Variants in VAMP3 observed in about 807,000 individuals in gnomAD.
The protein encoded by VAMP3 is vesicle associated membrane protein 3.
Under a neutral mutation model 18.1 loss-of-function variants are expected in VAMP3, and 11 were observed. The observed-to-expected ratio is 0.61, with a 90% CI of 0.38 to 1.00. The LOEUF (loss-of-function observed/expected upper bound fraction) is 1.00. VAMP3 is among the 50% of genes least tolerant of loss of function. VAMP3 has a pLI of 0.01. For missense variants in VAMP3, 122 were observed against 127.3 expected (o/e 0.96, Z 0.20); for synonymous variants, 49 against 43.1 (o/e 1.14, Z -0.53).
At position 7,777,165 on chromosome 1, in the gene VAMP3, G is replaced by A. The variant is rs190930592; in HGVS notation, c.78G>A (p.Val26=). 1.5e-4 allele frequency: 236 copies of A among 1,611,538 alleles called. 2 individuals are homozygous for A. In the Admixed American group the frequency reaches 3.8e-3, roughly 26 times the overall value. The change falls in exon 3 of 5, where the codon GTG becomes GTA. Residue 26 remains valine (V), a synonymous_variant. Coordinates refer to ENST00000054666, the MANE Select transcript of VAMP3 (RefSeq NM_004781.4). Reference sequence around the variant, plus strand: ...CTGTGATCACACTCATCTAGGTGGTGGACATAATGCGAGTTAACGTGGACA... The same window carrying A: ...CTGTGATCACACTCATCTAGGTGGTAGACATAATGCGAGTTAACGTGGACA... The part of the protein sequence containing the change: ...QQTQNQVDEV[V]DIMRVNVDKV...
At chr1:7,776,026 A>T (rs1261004092) in intron 2 of VAMP3, among the ~76,000 whole-genome samples, 1 of 152,166 alleles carries the variant, frequency 6.6e-6, no homozygotes, top group African/African-American at 2.4e-5. Flanking sequence ...CCATCAGTCT[A>T]TATGTTTGTC....
chr1:7,778,300 T>TGA, intron 4 of VAMP3, 131 bp downstream of exon 4: 1 of 1,085,022 alleles, frequency 9.2e-7, no homozygotes, highest in Non-Finnish European at 1.4e-6. Flanking sequence ...CGGTGACTCA[T>TGA]GCCTGTAATC....
Position 7,780,051 on chromosome 1 carries a change from GC to G in VAMP3, c.*408del, listed in dbSNP as rs1399930514. The G allele has an allele frequency of 2.8e-5, 5 of 180,626 alleles. No individual in the cohort carries two copies. The highest frequency in any genetic ancestry group is 3.5e-5 in the Non-Finnish European group (3 of 85,558). The allele number at this position is 180,626 out of a possible 1,614,324, so 11.2% of individuals were successfully genotyped here. ...ATGCCTTCCAGAAAAAAACACTACT[GC>G]CTAACACAAATCTGTGATAACAACA... On this transcript the variant is annotated 3_prime_UTR_variant, in exon 5 of 5. Transcript: ENST00000054666.
chr1:7,778,417 C>T (rs947416043), intron 4 of VAMP3, among the ~76,000 whole-genome samples: 4 of 151,992 alleles, frequency 2.6e-5, no homozygotes, highest in Admixed American at 2.6e-4. Flanking sequence ...CCTGTAAGTC[C>T]CAGCTACTCA....
Position 7,779,686 on chromosome 1 carries a change from T to C in VAMP3, c.*41T>C. 6.2e-7 allele frequency: 1 copy of C among 1,613,912 alleles called. No individual in the cohort carries two copies. The highest frequency in any genetic ancestry group is 8.5e-7 in the Non-Finnish European group (1 of 1,179,840). The stretch of plus-strand genomic sequence containing the variant: ...CAAAACTGCTGTTCAAGAAACCTCT[T>C]CAAGACTTTTGACTTAGAACCTGCT... On this transcript the variant is annotated 3_prime_UTR_variant, in exon 5 of 5. Transcript: ENST00000054666.
intron 2 of VAMP3, among the ~76,000 whole-genome samples, chr1:7,775,818 C>G (rs2097054049): frequency 6.6e-6 from 1 of 152,096 alleles, no homozygotes; most frequent in South Asian, 2.1e-4. Flanking sequence ...TTAGCTCTTA[C>G]ACTTAGATTA....
chr1:7,773,337 T>G, intron 1 of VAMP3, 105 bp from the exon 2 acceptor site: 2 of 860,930 alleles, frequency 2.3e-6, no homozygotes, highest in South Asian at 1.7e-5. Flanking sequence ...TTAGTTCTAA[T>G]GTAAGAGATT....
chr1:7,771,708 C>T (rs2097051086), intron 1 of VAMP3, among the ~76,000 whole-genome samples: 1 of 152,234 alleles, frequency 6.6e-6, no homozygotes, highest in Non-Finnish European at 1.5e-5. Context: ...GGAATGGGGA[C>T]GACAGCCCTG....
chr1:7,774,697 A>G (rs1577564196), intron 2 of VAMP3, among the ~76,000 whole-genome samples: 1 of 152,220 alleles, frequency 6.6e-6, no homozygotes, highest in Non-Finnish European at 1.5e-5. Context: ...ACTTAGCACA[A>G]AGTTTTTTGC....
chr1:7,779,726 A>G lies in VAMP3; in HGVS notation c.*81A>G. On this transcript the variant is annotated 3_prime_UTR_variant, in exon 5 of 5. Transcript: ENST00000054666. ...TAGAACCTGCTATATTATCAAGCTT[A>G]CCTACTGTTATCTCTAAAATTTTTT... The G allele has an allele frequency of 6.3e-7, 1 of 1,577,954 alleles. No individual in the cohort carries two copies. Among genetic ancestry groups the G allele is most frequent in the Non-Finnish European group, 8.6e-7 (1 of 1,159,284 alleles).
intron 3 of VAMP3, among the ~76,000 whole-genome samples, chr1:7,777,762 A>G (rs1222322141): frequency 6.6e-6 from 1 of 152,236 alleles, no homozygotes; most frequent in African/African-American, 2.4e-5. Flanking sequence ...AGCAGATTTT[A>G]TACAGTTAGC....
At chr1:7,778,934 G>A (rs957456994) in intron 4 of VAMP3, among the ~76,000 whole-genome samples, 2 of 152,226 alleles carry the variant, frequency 1.3e-5, no homozygotes, top group African/African-American at 2.4e-5. Context: ...GGTGGCGCAC[G>A]CCTGTAATCC....
rs544186683 is a variant in VAMP3 at position 7,773,645 on chromosome 1, C to G, written c.72+134C>G. Reference sequence around the variant, plus strand: ...GTATCATAATTGTAACGAAACTTTGCTCCCTGCTGTGCTGGAAGATCTAAT... The same window carrying G: ...GTATCATAATTGTAACGAAACTTTGGTCCCTGCTGTGCTGGAAGATCTAAT... On this transcript the variant is annotated intron_variant, in intron 2 of 4. Transcript: ENST00000054666. 2.7e-5 allele frequency: 23 copies of G among 856,246 alleles called. No individual in the cohort carries two copies. The South Asian group carries it at 4.0e-4, about 15-fold the overall frequency. The allele number at this position is 856,246 out of a possible 1,614,324, so 53.0% of individuals were successfully genotyped here.
chr1:7,777,355 C>A, intron 3 of VAMP3, 37 bp downstream of exon 3: 1 of 1,582,704 alleles, frequency 6.3e-7, no homozygotes, highest in South Asian at 1.2e-5. Flanking sequence ...ATTTAACCCC[C>A]CTTCTCCATT....
At chr1:7,772,069 A>G (rs1020862604) in intron 1 of VAMP3, among the ~76,000 whole-genome samples, 1 of 152,224 alleles carries the variant, frequency 6.6e-6, no homozygotes, top group Non-Finnish European at 1.5e-5. Flanking sequence ...CTGTGCCAAT[A>G]GATCACAGTG....
chr1:7,779,742 A>G lies in VAMP3; in HGVS notation c.*97A>G. The stretch of plus-strand genomic sequence containing the variant: ...ATCAAGCTTACCTACTGTTATCTCT[A>G]AAATTTTTTTTGTGTTAATGTAAAG... On this transcript the variant is annotated 3_prime_UTR_variant, in exon 5 of 5. Coordinates refer to ENST00000054666, the MANE Select transcript of VAMP3 (RefSeq NM_004781.4). 6.5e-7 allele frequency: 1 copy of G among 1,547,142 alleles called. No individual in the cohort carries two copies. Among genetic ancestry groups the G allele is most frequent in the Admixed American group, 2.0e-5 (1 of 50,862 alleles).
At chr1:7,773,767 C>T (rs746336512) in intron 2 of VAMP3, among the ~76,000 whole-genome samples, 1 of 152,190 alleles carries the variant, frequency 6.6e-6, no homozygotes, top group Non-Finnish European at 1.5e-5. Context: ...AAATCATATG[C>T]CTAAAACATG....
intron 2 of VAMP3, 152 bp downstream of exon 2, chr1:7,773,663 GATCTA>G: frequency 2.7e-6 from 2 of 747,104 alleles, no homozygotes; most frequent in Non-Finnish European, 4.4e-6. Context: ...TGTGCTGGAA[GATCTA>G]ATCTAAGCAA....
intron 1 of VAMP3, 79 bp from the exon 2 acceptor site, chr1:7,773,363 C>T: frequency 1.1e-5 from 13 of 1,155,074 alleles, no homozygotes; most frequent in Non-Finnish European, 1.7e-5. Context: ...CAGTGAGAGT[C>T]CCGGAGTAAC....
Sources: gnomAD v4.1 joint callset for allele counts (sites outside exome capture counted in the v4.1 genomes callset) on GRCh38, gnomAD v4.1.1 for gene constraint, MANE v1.5 for transcripts, NCBI Gene and HGNC (gene_info 2026-07-23, HGNC 2026-07-21) for gene names.